Variants in CRBN observed in about 807,000 individuals in gnomAD.
CRBN encodes the protein protein cereblon.
A neutral mutation model predicts 62.2 loss-of-function variants in CRBN; 53 were observed. The ratio of observed to expected loss-of-function variants is 0.85; its 90% CI spans 0.68 to 1.07. CRBN has a LOEUF of 1.07. Ranked by LOEUF, CRBN falls within the 50% of genes least tolerant of loss-of-function variation. CRBN has a pLI of 0.00. For missense variants in CRBN, 616 were observed against 531.1 expected (o/e 1.16, Z -1.57); for synonymous variants, 208 against 176.1 (o/e 1.18, Z -1.43).
chr3:3,158,072 C>T (rs1417336901), intron 5 of CRBN, among the ~76,000 whole-genome samples: 5 of 152,142 alleles, frequency 3.3e-5, no homozygotes, highest in African/African-American at 4.8e-5. Flanking sequence ...AAAGATCAGC[C>T]GTCCCCAACC....
intron 3 of CRBN, 64 bp downstream of exon 3, chr3:3,173,995 A>G: frequency 1.4e-6 from 2 of 1,380,132 alleles, no homozygotes; most frequent in Non-Finnish European, 2.1e-6. Flanking sequence ...TTTGGCTTCA[A>G]CACTGACCAC....
chr3:3,167,678 T>G lies in CRBN; in HGVS notation c.643A>C (p.Arg215=). Reference sequence around the variant, plus strand: ...CATTTATATGAACATTGGTCTTCTCTTGAGACAGGTTTTGAAGGAAATATC... The same window carrying G: ...CATTTATATGAACATTGGTCTTCTCGTGAGACAGGTTTTGAAGGAAATATC... ...CQIFPSKPVS[R]EDQCSYKWWQ... is the part of the protein sequence containing the mutation. The change falls in exon 5 of 11, where the codon AGA becomes CGA. Residue 215 remains arginine (R), a synonymous_variant. Transcript: ENST00000231948. 1 of 1,613,588 alleles carries G rather than the reference T, an allele frequency of 6.2e-7. No homozygotes were observed. The highest frequency in any genetic ancestry group is 1.1e-5 in the South Asian group (1 of 91,050).
Position 3,167,751 on chromosome 3 carries a change from C to T in CRBN, c.570G>A (p.Leu190=). The T allele has an allele frequency of 6.2e-7, 1 of 1,613,594 alleles. No individual in the cohort carries two copies. The highest frequency in any genetic ancestry group is 1.3e-5 in the African/African-American group (1 of 74,998). Residue 190 remains leucine (L), a synonymous_variant, in exon 5 of 11, where the codon TTG becomes TTA. Coordinates refer to ENST00000231948, the MANE Select transcript of CRBN (RefSeq NM_016302.4). The part of the protein sequence containing the change: ...AKVQILPECV[L]PSTMSAVQLE... ...ATTGAACTGCAGACATGGTTGAAGG[C>T]AACACACATTCGGGAAGAATTTGCA...
At chr3:3,165,953 C>T (rs1170168726) in intron 5 of CRBN, among the ~76,000 whole-genome samples, 1 of 152,130 alleles carries the variant, frequency 6.6e-6, no homozygotes, top group African/African-American at 2.4e-5. Flanking sequence ...GGGCCACATA[C>T]TGACAGTGAT....
chr3:3,150,165 T>C lies in CRBN; in HGVS notation c.*700A>G, dbSNP rs951725366. The stretch of plus-strand genomic sequence containing the variant: ...TTGGTTCAAATTAATTTTTGAAAAA[T>C]AGCTTTTGTATGGAACAGTATAAAT... On this transcript the variant is annotated 3_prime_UTR_variant, in exon 11 of 11. Transcript: ENST00000231948. 1.3e-5 allele frequency: 2 copies of C among 152,170 alleles called. No individual in the cohort carries two copies. Among genetic ancestry groups the C allele is most frequent in the African/African-American group, 2.4e-5 (1 of 41,448 alleles). The allele number at this position is 152,170 out of a possible 1,614,324, so 9.4% of individuals were successfully genotyped here. A position where few individuals can be genotyped will look rare whatever the true frequency, so the allele number is the denominator to read the frequency against.
chr3:3,177,372 CTATT>C (rs1376627441), intron 1 of CRBN, among the ~76,000 whole-genome samples: 4 of 152,302 alleles, frequency 2.6e-5, no homozygotes, highest in South Asian at 4.1e-4. Flanking sequence ...CTTGGACTTT[CTATT>C]TATTATTACA....
chr3:3,168,379 G>C (rs1183857835), intron 4 of CRBN, among the ~76,000 whole-genome samples: 3 of 152,050 alleles, frequency 2.0e-5, no homozygotes, highest in Non-Finnish European at 2.9e-5. Flanking sequence ...CTATAAATTA[G>C]ATTTTTTCTT....
At chr3:3,157,980 A>G (rs1236587363) in intron 5 of CRBN, among the ~76,000 whole-genome samples, 3 of 152,190 alleles carry the variant, frequency 2.0e-5, no homozygotes, top group Admixed American at 6.5e-5. Flanking sequence ...TTGTTCTAAA[A>G]CACGACCTAC....
intron 5 of CRBN, among the ~76,000 whole-genome samples, chr3:3,164,475 G>C (rs1363005393): frequency 2.0e-5 from 3 of 152,166 alleles, no homozygotes; most frequent in African/African-American, 7.2e-5. Context: ...TCTCCTTTCA[G>C]GGGCTAATAG....
intron 5 of CRBN, among the ~76,000 whole-genome samples, chr3:3,159,084 G>C (rs1032178808): frequency 1.3e-5 from 2 of 152,168 alleles, no homozygotes; most frequent in African/African-American, 4.8e-5. Flanking sequence ...ATGATGGTAA[G>C]TTTCCTAAGG....
At position 3,171,393 on chromosome 3, in the gene CRBN, C is replaced by A. The variant is rs1477612294; in HGVS notation, c.527+1383G>T. Among the ~76,000 whole-genome samples, 4 of 152,240 alleles carry A rather than the reference C, an allele frequency of 2.6e-5. No homozygotes were observed. The South Asian group carries it at 8.3e-4, about 32-fold the overall frequency. ...TAATTATCATAATGCAGACCACCCC[C>A]ACCCGCCCCAGGAGATCATTCTTTC... On this transcript the variant is annotated intron_variant, in intron 4 of 10. Coordinates refer to ENST00000231948, the MANE Select transcript of CRBN (RefSeq NM_016302.4).
chr3:3,162,273 A>G (rs1007209566), intron 5 of CRBN, among the ~76,000 whole-genome samples: 1 of 152,218 alleles, frequency 6.6e-6, no homozygotes, highest in Non-Finnish European at 1.5e-5. Flanking sequence ...TATACTTAGA[A>G]ACATTTAAGT....
At chr3:3,163,682 G>C (rs1362883297) in intron 5 of CRBN, among the ~76,000 whole-genome samples, 1 of 152,140 alleles carries the variant, frequency 6.6e-6, no homozygotes, top group Non-Finnish European at 1.5e-5. Context: ...TCTATACTTA[G>C]AACTTTGCAA....
chr3:3,156,909 G>A (rs1396980994), intron 5 of CRBN: 1 of 152,338 alleles, frequency 6.6e-6, no homozygotes, highest in Non-Finnish European at 1.5e-5. Flanking sequence ...CAGTTGAATT[G>A]TGAATTGTAG....
chr3:3,166,002 CTATG>C (rs1177983355), intron 5 of CRBN, among the ~76,000 whole-genome samples: 5 of 152,126 alleles, frequency 3.3e-5, no homozygotes, highest in South Asian at 2.1e-4. Flanking sequence ...TTTAAAATGA[CTATG>C]GGAGCAAAAT....
At position 3,175,246 on chromosome 3, in the gene CRBN, T is replaced by C. The variant is rs768947812; in HGVS notation, c.91A>G (p.Met31Val). The change falls in exon 2 of 11, where the codon ATG (methionine) becomes GTG (valine). Residue 31 changes from methionine (M) to valine (V), a missense_variant. Transcript: ENST00000231948. ...TTACTATCCTGGTCTTCAACTTCCA[T>C]TTCATCTTCTTCCTCACTCTCTGCT... ...LPAESEEEDE[M>V]EVEDQDSKEA... 2 of 1,611,950 alleles carry C rather than the reference T, an allele frequency of 1.2e-6. No homozygotes were observed. The highest frequency in any genetic ancestry group is 2.2e-5 in the South Asian group (2 of 91,016).
chr3:3,172,978 T>A, intron 3 of CRBN, 53 bp from the exon 4 acceptor site: 1 of 1,382,738 alleles, frequency 7.2e-7, no homozygotes, highest in Non-Finnish European at 1.0e-6. Context: ...GTTTTAAATA[T>A]ATGCAAAGTA....
chr3:3,150,270 G>A lies in CRBN; in HGVS notation c.*595C>T, dbSNP rs923153529. On this transcript the variant is annotated 3_prime_UTR_variant, in exon 11 of 11. Transcript: ENST00000231948. ...CACATAAAGGAAATGACAACTATTCGTGGGCTCAAAAAACTGCATATTTTA... is the reference window on the plus strand; with the variant it reads ...CACATAAAGGAAATGACAACTATTCATGGGCTCAAAAAACTGCATATTTTA... 1.3e-5 allele frequency: 2 copies of A among 152,200 alleles called. No individual in the cohort carries two copies. The highest frequency in any genetic ancestry group is 1.9e-4 in the East Asian group (1 of 5,212). 9.4% of individuals were successfully genotyped at this position (152,200 alleles called of 1,614,324 possible). A position where few individuals can be genotyped will look rare whatever the true frequency, so the allele number is the denominator to read the frequency against.
chr3:3,168,172 TCCC>T (rs761015639), intron 4 of CRBN, among the ~76,000 whole-genome samples: 20 of 152,088 alleles, frequency 1.3e-4, no homozygotes, highest in African/African-American at 4.8e-4. Flanking sequence ...AATTCTTCTA[TCCC>T]CCCACTTCTT....
Sources: allele counts gnomAD v4.1 joint callset (sites outside exome capture counted in the v4.1 genomes callset), GRCh38; gene constraint gnomAD v4.1.1; transcripts MANE v1.5; gene names NCBI Gene and HGNC (gene_info 2026-07-23, HGNC 2026-07-21).